The following CEP126 variants were observed in gnomAD, a reference collection of about 807,000 sequenced individuals.
CEP126 encodes the protein centrosomal protein 126.
CEP126 carries 74 observed loss-of-function variants against 107.8 expected under a neutral mutation model. The observed-to-expected ratio is 0.69, with a 90% confidence interval of 0.57 to 0.83. CEP126 has a LOEUF of 0.83. CEP126 is among the 40% of genes least tolerant of loss of function. CEP126 has a pLI of 0.00. For missense variants in CEP126, 1,237 were observed against 1,281.9 expected (o/e 0.96, Z 0.53); for synonymous variants, 449 against 446.0 (o/e 1.01, Z -0.08).
In CEP126 at chr11:101,958,286, G is replaced by T. The variant is rs1220262451; in HGVS notation, c.625G>T (p.Ala209Ser). Residue 209 changes from alanine to serine, a missense_variant, in exon 5 of 11, where the codon GCT becomes TCT. Physicochemically the swap from Ala to Ser is moderately conservative, Grantham distance 99. Coordinates refer to ENST00000263468, the MANE Select transcript of CEP126 (RefSeq NM_020802.4). ...EMNENMRATL[A>S]TSKNVFQLKL... ...GAATGAAAACATGAGGGCAACCTTGGCTACTAGCAAAAATGTGTTCCAGCT... is the reference window on the plus strand; with the variant it reads ...GAATGAAAACATGAGGGCAACCTTGTCTACTAGCAAAAATGTGTTCCAGCT... 19 of 1,613,860 alleles carry T rather than the reference G, an allele frequency of 1.2e-5. No individual in the cohort carries two copies. The highest frequency in any genetic ancestry group is 1.5e-5 in the Non-Finnish European group (18 of 1,179,936).
Position 101,986,885 on chromosome 11 carries a change from G to A in CEP126, c.3088G>A (p.Val1030Met), listed in dbSNP as rs1402081355. 6.2e-7 allele frequency: 1 copy of A among 1,613,902 alleles called. No homozygotes were observed. The highest frequency in any genetic ancestry group is 1.1e-5 in the South Asian group (1 of 91,084). ...LMAENLVKASVPEDEILTVLN... is the reference protein window; with the variant it reads ...LMAENLVKASMPEDEILTVLN... ...GGCTGAAAACTTAGTGAAAGCATCA[G>A]TGCCGGAGGATGAGATTCTGACTGT... Residue 1030 changes from valine to methionine, a missense_variant, in exon 9 of 11, where the codon GTG becomes ATG. Around this residue, in one of 3 missense-constraint regions of CEP126, gnomAD observed 99 missense variants for 114.4 expected, o/e 0.87. Transcript: ENST00000263468.
intron 7 of CEP126, among the ~76,000 whole-genome samples, chr11:101,980,790 G>A (rs140241354): frequency 5.5e-4 from 84 of 152,302 alleles, no homozygotes; most frequent in African/African-American, 1.9e-3. Context: ...TAAGTGAAAG[G>A]TAGAAAAAGT....
chr11:101,994,852 A>G (rs376675127), intron 10 of CEP126, among the ~76,000 whole-genome samples: 18 of 150,736 alleles, frequency 1.2e-4, no homozygotes, highest in South Asian at 8.4e-4. Flanking sequence ...AAGTATCCAT[A>G]TCTTTTCTGT....
At chr11:101,950,164 A>G (rs768742813) in intron 4 of CEP126, among the ~76,000 whole-genome samples, 5 of 152,192 alleles carry the variant, frequency 3.3e-5, no homozygotes, top group Non-Finnish European at 7.3e-5. Context: ...AAAAAAAGTT[A>G]CTGGCAACTT....
At chr11:101,924,709 C>T (rs905593680) in intron 2 of CEP126, among the ~76,000 whole-genome samples, 10 of 152,014 alleles carry the variant, frequency 6.6e-5, no homozygotes, top group South Asian at 4.2e-4. Flanking sequence ...CTCAAGTGAT[C>T]CTCCCATCTC....
At chr11:101,984,948 A>G (rs145544042) in intron 8 of CEP126, among the ~76,000 whole-genome samples, 3,283 of 152,352 alleles carry the variant, frequency 0.022, 69 homozygotes, top group African/African-American at 0.054. Context: ...AACAGCCGAC[A>G]CAGGTATTCT....
intron 8 of CEP126, among the ~76,000 whole-genome samples, chr11:101,986,503 C>T (rs1350349924): frequency 2.0e-5 from 3 of 152,082 alleles, no homozygotes; most frequent in African/African-American, 7.2e-5. Flanking sequence ...CAGTCTTCTT[C>T]ATCTTTTTTG....
Position 101,963,244 on chromosome 11 carries a change from C to G in CEP126, c.2209C>G (p.Pro737Ala). The change falls in exon 6 of 11, where the codon CCT (proline) becomes GCT (alanine). Residue 737 changes from proline (P) to alanine (A), a missense_variant. Coordinates refer to ENST00000263468, the MANE Select transcript of CEP126 (RefSeq NM_020802.4). ...PASKKEESKI[P>A]VHDDSKTKQG... ...CTCAAAAAAAGAAGAAAGTAAAATC[C>G]CTGTACATGATGATTCTAAAACTAA... 1 of 1,613,880 alleles carries G rather than the reference C, an allele frequency of 6.2e-7. No individual in the cohort carries two copies. Among genetic ancestry groups the G allele is most frequent in the African/African-American group, 1.3e-5 (1 of 75,010 alleles).
At chr11:101,973,663 A>G (rs147465789) in intron 6 of CEP126, among the ~76,000 whole-genome samples, 1 of 152,162 alleles carries the variant, frequency 6.6e-6, no homozygotes, top group Admixed American at 6.6e-5. Context: ...CTAAAACTTA[A>G]AATTTTTTTT....
intron 9 of CEP126, among the ~76,000 whole-genome samples, chr11:101,989,517 G>A (rs983689714): frequency 2.0e-5 from 3 of 152,112 alleles, no homozygotes; most frequent in Non-Finnish European, 2.9e-5. Context: ...TTGTGTGTGT[G>A]GATTCTATTT....
intron 2 of CEP126, among the ~76,000 whole-genome samples, 196 bp from the exon 3 acceptor site, chr11:101,944,069 T>C (rs1565354816): frequency 6.6e-6 from 1 of 152,134 alleles, no homozygotes; most frequent in Non-Finnish European, 1.5e-5. Flanking sequence ...GCAAGAGACC[T>C]GGATACAGTT....
chr11:101,959,218 G>C (rs933261048), intron 5 of CEP126, among the ~76,000 whole-genome samples: 12 of 150,040 alleles, frequency 8.0e-5, no homozygotes, highest in African/African-American at 2.9e-4. Flanking sequence ...GTACAGTGGT[G>C]CAATCTCGGC....
chr11:101,986,624 A>G lies in CEP126; in HGVS notation c.3035-208A>G, dbSNP rs150908030. ...TATTAACTCACTGCCGTCATTTTGAATATCCTTTTTTAAAAAACGAAGGAT... is the reference window on the plus strand; with the variant it reads ...TATTAACTCACTGCCGTCATTTTGAGTATCCTTTTTTAAAAAACGAAGGAT... On this transcript the variant is annotated intron_variant, in intron 8 of 10. Transcript: ENST00000263468. Among the ~76,000 whole-genome samples, 52 of 152,302 alleles carry G rather than the reference A, an allele frequency of 3.4e-4. 1 individual carries two copies. In the East Asian group the frequency reaches 9.4e-3, roughly 28 times the overall value.
chr11:101,962,961 T>G lies in CEP126; in HGVS notation c.1926T>G (p.Asn642Lys). The G allele has an allele frequency of 6.2e-7, 1 of 1,611,074 alleles. No homozygotes were observed. Among genetic ancestry groups the G allele is most frequent in the Non-Finnish European group, 8.5e-7 (1 of 1,179,298 alleles). The change falls in exon 6 of 11, where the codon AAT becomes AAG. Residue 642 changes from asparagine to lysine, a missense_variant. This residue lies in a region of CEP126 where 1,134 missense variants were observed against 1,150.5 expected (regional missense o/e 0.99). Coordinates refer to ENST00000263468, the MANE Select transcript of CEP126 (RefSeq NM_020802.4). ...ATGAAACTAGCAATATAGAAAACAA[T>G]GCTGAAAACAGTCATTCACTGAAGA... The part of the protein sequence containing the change: ...WFDETSNIEN[N>K]AENSHSLKNK...
At chr11:101,994,735 A>G (rs149409615) in intron 10 of CEP126, among the ~76,000 whole-genome samples, 206 of 152,330 alleles carry the variant, frequency 1.4e-3, no homozygotes, top group African/African-American at 4.7e-3. Context: ...TTATATTCAG[A>G]GTATTTTCAT....
intron 2 of CEP126, among the ~76,000 whole-genome samples, chr11:101,933,600 C>T (rs963356334): frequency 6.6e-6 from 1 of 152,034 alleles, no homozygotes; most frequent in Non-Finnish European, 1.5e-5. Flanking sequence ...CCATACTAAG[C>T]ACTTGTAATG....
chr11:101,927,328 A>G (rs1264016551), intron 2 of CEP126, among the ~76,000 whole-genome samples: 1 of 152,156 alleles, frequency 6.6e-6, no homozygotes, highest in Admixed American at 6.5e-5. Context: ...ATTAAATTAA[A>G]CCAAATTAAA....
At position 101,915,098 on chromosome 11, in the gene CEP126, C is replaced by A; in HGVS notation, c.-187C>A. 1 of 801,402 alleles carries A rather than the reference C, an allele frequency of 1.2e-6. No individual in the cohort carries two copies. Among genetic ancestry groups the A allele is most frequent in the Non-Finnish European group, 1.8e-6 (1 of 541,684 alleles). The allele number at this position is 801,402 out of a possible 1,614,324, so 49.6% of individuals were successfully genotyped here. A position where few individuals can be genotyped will look rare whatever the true frequency, so the allele number is the denominator to read the frequency against. ...GGCGAGGTCGCCGCTGCCTCAGCTG[C>A]CATCGCCGCTACAGGCACCAGTGCC... On this transcript the variant is annotated 5_prime_UTR_variant, in exon 1 of 11. Transcript: ENST00000263468.
intron 2 of CEP126, among the ~76,000 whole-genome samples, chr11:101,936,917 G>C (rs1445875530): frequency 6.6e-6 from 1 of 151,990 alleles, no homozygotes; most frequent in Non-Finnish European, 1.5e-5. Flanking sequence ...ATAAACTGCT[G>C]GATTTTATTT....
Sources: gnomAD v4.1 joint callset for allele counts (sites outside exome capture counted in the v4.1 genomes callset) on GRCh38, gnomAD v4.1.1 for gene constraint, gnomAD v4.1.1 regional missense constraint, MANE v1.5 for transcripts, NCBI Gene and HGNC (gene_info 2026-07-23, HGNC 2026-07-21) for gene names.